ZNF395: variants seen among roughly 807,000 people sequenced by gnomAD.
The protein encoded by ZNF395 is zinc finger protein 395, also known as HD gene regulatory region-binding protein 2.
In ZNF395, 20 loss-of-function variants were observed where a neutral mutation model predicts 57.7. The ratio of observed to expected loss-of-function variants is 0.35; its 90% CI spans 0.24 to 0.50. The LOEUF is 0.50. Among genes scored for constraint, ZNF395 ranks in the 20% least tolerant of loss-of-function variants. The probability of loss-of-function intolerance (pLI) is 0.97; values close to 1 mark genes in which losing one functional copy is unlikely to be tolerated. For missense variants in ZNF395, 606 were observed against 671.2 expected, an observed-to-expected ratio of 0.90 and a Z score of 1.07; for synonymous variants, 295 against 275.9, an observed-to-expected ratio of 1.07 and a Z score of -0.69.
chr8:28,350,037 C>T (rs1801660604), intron 8 of ZNF395, 27 bp downstream of exon 8: 4 of 1,556,254 alleles, frequency 2.6e-6, no homozygotes, highest in East Asian at 2.3e-5. Context: ...CCATACGAGG[C>T]CCCAGCCGTG....
intron 1 of ZNF395, chr8:28,385,402 G>GCC (rs3832542): frequency 0.1 from 14,822 of 145,242 alleles, 1,001 homozygotes; most frequent in East Asian, 0.28. Context: ...GTGCAGCCCC[G>GCC]CCCCCCCCCC....
At chr8:28,362,748 C>A (rs1347236945) in intron 1 of ZNF395, among the ~76,000 whole-genome samples, 1 of 152,156 alleles carries the variant, frequency 6.6e-6, no homozygotes, top group South Asian at 2.1e-4. Context: ...AAGGTATGTT[C>A]GCAAACATCT....
At chr8:28,350,253 A>C (rs1801664977) in intron 7 of ZNF395, 97 bp from the exon 8 acceptor site, 1 of 1,032,544 alleles carries the variant, frequency 9.7e-7, no homozygotes, top group Admixed American at 2.5e-5. Context: ...CAGAAGGTGC[A>C]TCTCTGCGTA....
rs547945591 is a variant in ZNF395, at chr8:28,351,708, G to GGCAGCA, written c.1014_1019dup (p.Ala340_Ala341dup). ...GAGTCCCAGGGACTGGGGTGCCTGCGGCAGCAGCAGCAGCAGCAGCAGCAG... is the reference window on the plus strand; with the variant it reads ...GAGTCCCAGGGACTGGGGTGCCTGCGGCAGCAGCAGCAGCAGCAGCAGCAGCAGCAG... On this transcript the variant is annotated inframe_insertion, in exon 7 of 10. Transcript: ENST00000344423. 9.9e-6 allele frequency: 16 copies of GGCAGCA among 1,608,838 alleles called. No homozygotes were observed. Among genetic ancestry groups the GGCAGCA allele is most frequent in the African/African-American group, 6.7e-5 (5 of 74,830 alleles).
At chr8:28,375,728 T>G (rs1367153044) in intron 1 of ZNF395, among the ~76,000 whole-genome samples, 1 of 152,184 alleles carries the variant, frequency 6.6e-6, no homozygotes, top group Non-Finnish European at 1.5e-5. Context: ...GCAAGGAGCA[T>G]GAGTACCATG....
intron 3 of ZNF395, among the ~76,000 whole-genome samples, chr8:28,357,285 C>G (rs1314082408): frequency 6.6e-6 from 1 of 152,126 alleles, no homozygotes; most frequent in Non-Finnish European, 1.5e-5. Flanking sequence ...ACCCCTCCCC[C>G]AAGAAAAATG....
intron 2 of ZNF395, among the ~76,000 whole-genome samples, chr8:28,360,296 G>A (rs892492800): frequency 1.3e-5 from 2 of 152,230 alleles, no homozygotes; most frequent in East Asian, 3.9e-4. Flanking sequence ...CTCACAGGCA[G>A]GGAGGCCTGG....
At position 28,360,879 on chromosome 8, in the gene ZNF395, A is replaced by G. The variant is rs1475740471; in HGVS notation, c.240+6T>C. 1 of 1,613,250 alleles carries G rather than the reference A, an allele frequency of 6.2e-7. No homozygotes were observed. Among genetic ancestry groups the G allele is most frequent in the Non-Finnish European group, 8.5e-7 (1 of 1,179,820 alleles). On this transcript the variant is annotated splice_donor_region_variant and intron_variant, in intron 2 of 9. Coordinates refer to ENST00000344423, the MANE Select transcript of ZNF395 (RefSeq NM_018660.3). ...GGGACACCTGTCCATGTTGGGATCA[A>G]CCTACCTTCTGCCCAGGCTGAAAGG...
chr8:28,378,858 G>A (rs147888575), intron 1 of ZNF395, among the ~76,000 whole-genome samples: 10 of 152,274 alleles, frequency 6.6e-5, no homozygotes, highest in Admixed American at 3.9e-4. Context: ...TACTTCCTGG[G>A]CAGACATTTC....
chr8:28,369,831 T>C (rs140911101), intron 1 of ZNF395, among the ~76,000 whole-genome samples: 1 of 152,216 alleles, frequency 6.6e-6, no homozygotes, highest in Non-Finnish European at 1.5e-5. Context: ...GCCCTGCTGC[T>C]ATGCAACATG....
At chr8:28,353,655 T>G (rs545824784) in intron 4 of ZNF395, among the ~76,000 whole-genome samples, 4 of 152,196 alleles carry the variant, frequency 2.6e-5, no homozygotes, top group African/African-American at 4.8e-5. Flanking sequence ...ATTTCTCTTT[T>G]TAAACAAAAA....
chr8:28,379,895 T>C (rs1441405126), intron 1 of ZNF395, among the ~76,000 whole-genome samples: 1 of 150,100 alleles, frequency 6.7e-6, no homozygotes, highest in Non-Finnish European at 1.5e-5. Context: ...CAACTGGTAT[T>C]TGTATTTTGA....
chr8:28,347,474 T>G lies in ZNF395; in HGVS notation c.*1245A>C, dbSNP rs1206621947. 6.6e-6 allele frequency: 1 copy of G among 151,958 alleles called. No homozygotes were observed. Among genetic ancestry groups the G allele is most frequent in the African/African-American group, 2.4e-5 (1 of 41,342 alleles). The allele number at this position is 151,958 out of a possible 1,614,324, so 9.4% of individuals were successfully genotyped here. ...GGCATGGTGCTACACTCCCGAGACC[T>G]CCCTCCTTCTCCCCAAGAACAGCTC... is the stretch of plus-strand genomic sequence containing the variant. On this transcript the variant is annotated 3_prime_UTR_variant, in exon 10 of 10. Coordinates refer to ENST00000344423, the MANE Select transcript of ZNF395 (RefSeq NM_018660.3).
chr8:28,364,969 T>A (rs1392174724), intron 1 of ZNF395, among the ~76,000 whole-genome samples: 1 of 152,188 alleles, frequency 6.6e-6, no homozygotes, highest in Non-Finnish European at 1.5e-5. Flanking sequence ...GGAAGACCTT[T>A]ATACACATAT....
intron 1 of ZNF395, among the ~76,000 whole-genome samples, chr8:28,371,675 G>A (rs992924228): frequency 1.3e-5 from 2 of 152,214 alleles, no homozygotes; most frequent in Non-Finnish European, 2.9e-5. Context: ...GGATCCCCCA[G>A]GAGCAGGGCG....
intron 3 of ZNF395, among the ~76,000 whole-genome samples, chr8:28,357,801 G>A (rs1043656271): frequency 9.2e-5 from 14 of 152,198 alleles, no homozygotes; most frequent in Admixed American, 2.6e-4. Context: ...GTGTTTTTTC[G>A]CACTCATAGA....
rs754558812 is a variant in ZNF395 at position 28,360,956 on chromosome 8, G to A, written c.169C>T (p.Gln57Ter). The change falls in exon 2 of 10, where the codon CAG becomes TAG. Residue 57 changes from glutamine to a stop codon, truncating the protein, a stop_gained. Transcript: ENST00000344423. LOFTEE classifies it high-confidence loss of function. ...GGAGCCTTAAGGACTTCCTTGGGCT[G>A]CTCCTGGCAGGGGGTGTCATCAGAG... The part of the protein sequence containing the change: ...TTSDDTPCQE[Q>*]PKEVLKAPST... The A allele has an allele frequency of 1.2e-6, 2 of 1,613,786 alleles. No homozygotes were observed. Among genetic ancestry groups the A allele is most frequent in the Admixed American group, 3.3e-5 (2 of 59,988 alleles).
rs773800901 is a variant in ZNF395, at chr8:28,350,169, A to AG, written c.1234-14dup. ...AGGATGGCAGAGCCTGCGGAAGACG[A>AG]GGGTGTCAGCCCGGATTCTAGCTCA... On this transcript the variant is annotated splice_polypyrimidine_tract_variant and intron_variant, in intron 7 of 9. Coordinates refer to ENST00000344423, the MANE Select transcript of ZNF395 (RefSeq NM_018660.3). The AG allele has an allele frequency of 1.9e-6, 3 of 1,594,494 alleles. No homozygotes were observed. The African/African-American group carries it at 4.0e-5, about 21-fold the overall frequency.
At chr8:28,366,706 C>T (rs1189254937) in intron 1 of ZNF395, among the ~76,000 whole-genome samples, 1 of 151,896 alleles carries the variant, frequency 6.6e-6, no homozygotes, top group African/African-American at 2.4e-5. Context: ...TTGCAGGTCA[C>T]CATTTGAACC....
Sources: allele counts gnomAD v4.1 joint callset (sites outside exome capture counted in the v4.1 genomes callset), GRCh38; gene constraint gnomAD v4.1.1; transcripts MANE v1.5; gene names NCBI Gene and HGNC (gene_info 2026-07-23, HGNC 2026-07-21).